Variants in TBC1D8B observed in about 807,000 individuals in gnomAD.
TBC1D8B encodes TBC1 domain family member 8B, also known as RP11-321G1.1.
In TBC1D8B, 75 loss-of-function variants were observed where a neutral mutation model predicts 82.9. The observed-to-expected ratio is 0.90, with a 90% CI of 0.75 to 1.10. TBC1D8B has a LOEUF of 1.10. Ranked by LOEUF, TBC1D8B falls within the 50% of genes least tolerant of loss-of-function variation. TBC1D8B has a pLI of 0.00. For missense variants in TBC1D8B, 794 were observed against 796.9 expected, an observed-to-expected ratio of 1.00 and a Z score of 0.04; for synonymous variants, 276 against 276.8, an observed-to-expected ratio of 1.00 and a Z score of 0.03.
intron 7 of TBC1D8B, 92 bp from the exon 8 acceptor site, chrX:106,839,216 T>G: frequency 2.2e-6 from 2 of 922,506 alleles, no homozygotes; most frequent in Non-Finnish European, 2.9e-6. Flanking sequence ...GTATACAGAT[T>G]GTGGCTTATA....
At chrX:106,835,182 T>A (rs1932144425) in intron 7 of TBC1D8B, among the ~76,000 whole-genome samples, 1 of 112,660 alleles carries the variant, frequency 8.9e-6, no homozygotes, top group Non-Finnish European at 1.9e-5. Context: ...AGGCAGAGGT[T>A]TCCAAACCTC....
At chrX:106,857,675 C>G (rs1344873399) in intron 14 of TBC1D8B, among the ~76,000 whole-genome samples, 1 of 111,816 alleles carries the variant, frequency 8.9e-6, no homozygotes, top group Non-Finnish European at 1.9e-5. Flanking sequence ...ATTTGGTTTT[C>G]TTTTCCTCTG....
chrX:106,820,834 G>A, intron 2 of TBC1D8B, 43 bp from the exon 3 acceptor site: 1 of 874,538 alleles, frequency 1.1e-6, no homozygotes, highest in Non-Finnish European at 1.6e-6. Flanking sequence ...GTTTTATTGT[G>A]GAGTTTTCCT....
chrX:106,866,931 A>AT, intron 17 of TBC1D8B, 69 bp downstream of exon 17: 1 of 828,468 alleles, frequency 1.2e-6, no homozygotes, highest in Non-Finnish European at 1.7e-6. Context: ...ATAATTACAG[A>AT]TTTTTTTAAC....
chrX:106,850,488 G>A (rs191496639), intron 12 of TBC1D8B, among the ~76,000 whole-genome samples, 178 bp downstream of exon 12: 2 of 111,909 alleles, frequency 1.8e-5, no homozygotes, highest in East Asian at 5.6e-4. Flanking sequence ...AAAAAATATA[G>A]CAAGAATAAA....
chrX:106,807,001 C>T (rs933457302), intron 1 of TBC1D8B, among the ~76,000 whole-genome samples: 2 of 111,131 alleles, frequency 1.8e-5, no homozygotes, highest in African/African-American at 6.5e-5. Flanking sequence ...AAGCTTCTTT[C>T]CCCTATTTCC....
intron 1 of TBC1D8B, among the ~76,000 whole-genome samples, chrX:106,816,098 T>A (rs1176733875): frequency 2.7e-5 from 3 of 111,116 alleles, no homozygotes; most frequent in Admixed American, 1.9e-4. Flanking sequence ...GGGTATTCAA[T>A]TAGGAAAAGA....
intron 1 of TBC1D8B, among the ~76,000 whole-genome samples, chrX:106,816,148 A>T (rs1318928100): frequency 9.0e-6 from 1 of 111,589 alleles, no homozygotes; most frequent in Non-Finnish European, 1.9e-5. Flanking sequence ...ACATGATTGT[A>T]TATCTAGAAA....
intron 7 of TBC1D8B, chrX:106,829,949 C>A (rs1473798275): frequency 9.0e-6 from 1 of 111,287 alleles, no homozygotes; most frequent in Non-Finnish European, 1.9e-5. Context: ...CAAATGGGAT[C>A]TAATTAAACT....
intron 19 of TBC1D8B, 43 bp from the exon 20 acceptor site, chrX:106,870,673 A>G: frequency 1.2e-6 from 1 of 864,098 alleles, no homozygotes; most frequent in Non-Finnish European, 1.7e-6. Context: ...GGGAAAGTAT[A>G]GTGGGCTGTT....
chrX:106,816,089 G>A (rs1470543457), intron 1 of TBC1D8B, among the ~76,000 whole-genome samples: 1 of 110,948 alleles, frequency 9.0e-6, no homozygotes, highest in Non-Finnish European at 1.9e-5. Context: ...GGAAATAAAG[G>A]GTATTCAATT....
chrX:106,863,015 A>G (rs967474934), intron 14 of TBC1D8B, among the ~76,000 whole-genome samples: 2 of 109,586 alleles, frequency 1.8e-5, no homozygotes, highest in Non-Finnish European at 3.8e-5. Flanking sequence ...TTCCCAGTCC[A>G]CTGGCCTCAA....
intron 7 of TBC1D8B, among the ~76,000 whole-genome samples, chrX:106,837,281 G>C (rs1295535424): frequency 1.8e-5 from 2 of 111,798 alleles, no homozygotes; most frequent in Non-Finnish European, 3.8e-5. Context: ...GGAAATATTT[G>C]CCAATTATAT....
chrX:106,820,056 A>G (rs748923285), intron 2 of TBC1D8B, among the ~76,000 whole-genome samples: 1 of 111,156 alleles, frequency 9.0e-6, no homozygotes, highest in East Asian at 2.8e-4. Flanking sequence ...TGCAATGTCA[A>G]CAAATTTTTT....
At chrX:106,870,624 T>G in intron 19 of TBC1D8B, 92 bp from the exon 20 acceptor site, 1 of 552,822 alleles carries the variant, frequency 1.8e-6, no homozygotes, top group African/African-American at 2.4e-5. Flanking sequence ...TATATCTCAG[T>G]GAAATACCTT....
intron 14 of TBC1D8B, among the ~76,000 whole-genome samples, chrX:106,859,301 G>C (rs950637184): frequency 9.0e-6 from 1 of 111,727 alleles, no homozygotes; most frequent in African/African-American, 3.3e-5. Context: ...GCTTTGGTTG[G>C]TATGGCCTTT....
At chrX:106,862,795 T>TG (rs1932787128) in intron 14 of TBC1D8B, among the ~76,000 whole-genome samples, 1 of 94,580 alleles carries the variant, frequency 1.1e-5, no homozygotes, top group African/African-American at 3.9e-5. Context: ...TTTTTTTTTT[T>TG]TTTTTTTGCT....
At chrX:106,866,080 C>A (rs756681315) in intron 16 of TBC1D8B, 47 bp downstream of exon 16, 41 of 1,140,504 alleles carry the variant, frequency 3.6e-5, no homozygotes, top group Non-Finnish European at 1.2e-5. Context: ...CCTAGAAATA[C>A]TTAGTACTGC....
At chrX:106,838,158 A>T (rs1932220044) in intron 7 of TBC1D8B, among the ~76,000 whole-genome samples, 1 of 110,584 alleles carries the variant, frequency 9.0e-6, no homozygotes, top group African/African-American at 3.3e-5. Flanking sequence ...TGGGTCCTTT[A>T]TTTTTTTAAA....
Sources: allele counts gnomAD v4.1 joint callset (sites outside exome capture counted in the v4.1 genomes callset), GRCh38; gene constraint gnomAD v4.1.1; transcripts MANE v1.5; gene names NCBI Gene and HGNC (gene_info 2026-07-23, HGNC 2026-07-21).